Variants in PRKN observed in about 807,000 individuals in gnomAD.
The protein encoded by PRKN is parkin RBR E3 ubiquitin protein ligase.
PRKN carries 56 observed loss-of-function variants against 59.5 expected under a neutral mutation model. The observed-to-expected ratio is 0.94, with a 90% CI of 0.76 to 1.18. The LOEUF (loss-of-function observed/expected upper bound fraction) is 1.18. Among genes scored for constraint, PRKN ranks in the 50% most tolerant of loss-of-function variants. The pLI is 0.00. For synonymous variants in PRKN, 250 were observed against 222.1 expected, an observed-to-expected ratio of 1.13 and a Z score of -1.12; for missense variants, 657 against 596.4, an observed-to-expected ratio of 1.10 and a Z score of -1.06.
At position 162,551,417 on chromosome 6, in the gene PRKN, A is replaced by C. The variant is rs750013528; in HGVS notation, c.8-107944T>G. Among the ~76,000 whole-genome samples, 41 of 152,350 alleles carry C rather than the reference A, an allele frequency of 2.7e-4. 1 individual carries two copies. Among genetic ancestry groups the C allele is most frequent in the Non-Finnish European group, 5.4e-4 (37 of 68,026 alleles). On this transcript the variant is annotated intron_variant, in intron 1 of 11. Transcript: ENST00000366898. ...ATAATGAGAATAACTCCTTTTCTCT[A>C]AATATACAGTTATTCAGAGATTTCT...
At chr6:161,510,964 G>A (rs771452804) in intron 9 of PRKN, among the ~76,000 whole-genome samples, 71 of 152,148 alleles carry the variant, frequency 4.7e-4, no homozygotes, top group Non-Finnish European at 8.1e-4. Context: ...GTCCAGACAT[G>A]ATTTTCTTCT....
chr6:161,962,965 C>T (rs1048520319), intron 6 of PRKN, among the ~76,000 whole-genome samples: 9 of 151,994 alleles, frequency 5.9e-5, no homozygotes, highest in Non-Finnish European at 1.2e-4. Context: ...GCCAACATGG[C>T]GAAACCCCGT....
intron 1 of PRKN, among the ~76,000 whole-genome samples, chr6:162,627,727 T>C (rs906149703): frequency 2.6e-5 from 4 of 152,150 alleles, no homozygotes; most frequent in Admixed American, 6.5e-5. Flanking sequence ...GCAATAACTT[T>C]TAAGAATTTA....
intron 6 of PRKN, among the ~76,000 whole-genome samples, chr6:161,826,154 C>A (rs561607907): frequency 6.6e-6 from 1 of 152,116 alleles, no homozygotes; most frequent in Non-Finnish European, 1.5e-5. Context: ...ATTATCATTA[C>A]CACGAAGATT....
At chr6:162,461,532 AGAAAAAGAAAAG>A (rs1791176258) in intron 1 of PRKN, among the ~76,000 whole-genome samples, 1 of 145,406 alleles carries the variant, frequency 6.9e-6, no homozygotes, top group African/African-American at 2.5e-5. Flanking sequence ...AAAAAAAGAA[AGAAAAAGAAAAG>A]AAAAGAAAAC....
chr6:162,011,966 A>C (rs1379402066), intron 5 of PRKN, among the ~76,000 whole-genome samples: 3 of 152,112 alleles, frequency 2.0e-5, no homozygotes, highest in African/African-American at 7.2e-5. Context: ...ATAGCTAGCT[A>C]GCTAGAGGAT....
At chr6:162,075,779 G>A (rs113720437) in intron 4 of PRKN, among the ~76,000 whole-genome samples, 29 of 151,978 alleles carry the variant, frequency 1.9e-4, no homozygotes, top group African/African-American at 5.8e-4. Context: ...AGGCCCCCCA[G>A]TGAAACATTA....
At chr6:162,063,842 G>A (rs1778210374) in intron 4 of PRKN, among the ~76,000 whole-genome samples, 1 of 152,224 alleles carries the variant, frequency 6.6e-6, no homozygotes, top group South Asian at 2.1e-4. Context: ...GCAGCGCGCA[G>A]CCCTGGAATT....
At chr6:161,358,139 G>A (rs946683034) in intron 11 of PRKN, among the ~76,000 whole-genome samples, 1 of 152,202 alleles carries the variant, frequency 6.6e-6, no homozygotes, top group African/African-American at 2.4e-5. Flanking sequence ...GGGTGTGGGT[G>A]TGTTTGCCTA....
At chr6:162,556,822 C>G (rs1211527181) in intron 1 of PRKN, among the ~76,000 whole-genome samples, 1 of 151,026 alleles carries the variant, frequency 6.6e-6, no homozygotes, top group African/African-American at 2.4e-5. Flanking sequence ...TCAGGAATTG[C>G]ATCTGTGAGG....
chr6:162,553,725 C>T (rs1779424625), intron 1 of PRKN, among the ~76,000 whole-genome samples: 2 of 138,748 alleles, frequency 1.4e-5, no homozygotes. Flanking sequence ...ATCTCTTGAA[C>T]TTGGAGGCGG....
At chr6:161,435,940 C>G (rs12216070) in intron 9 of PRKN, among the ~76,000 whole-genome samples, 1 of 1,268 alleles carries the variant, frequency 7.9e-4, no homozygotes, top group Non-Finnish European at 1.7e-3. Context: ...AGACAGAGAG[C>G]AGGGGGGTGG....
chr6:162,379,149 A>G (rs1786285693), intron 2 of PRKN, among the ~76,000 whole-genome samples: 1 of 152,120 alleles, frequency 6.6e-6, no homozygotes, highest in African/African-American at 2.4e-5. Context: ...TCTCTAAACT[A>G]TATTTGGCCT....
intron 1 of PRKN, among the ~76,000 whole-genome samples, chr6:162,548,208 C>T (rs376625600): frequency 3.4e-4 from 52 of 152,084 alleles, no homozygotes; most frequent in Admixed American, 9.8e-4. Flanking sequence ...TACAGGTGCA[C>T]GCCACTACGC....
chr6:161,965,800 A>C (rs1225397985), intron 6 of PRKN, among the ~76,000 whole-genome samples: 1 of 152,092 alleles, frequency 6.6e-6, no homozygotes, highest in East Asian at 1.9e-4. Context: ...GTTTGTCTAA[A>C]GACCTGGGAG....
intron 2 of PRKN, chr6:162,266,324 G>GTGTA (rs1487463232): frequency 2.0e-5 from 3 of 152,482 alleles, no homozygotes; most frequent in Non-Finnish European, 4.4e-5. Flanking sequence ...GTGTGTGTGT[G>GTGTA]TGTGTGTGTG....
At chr6:162,197,699 A>C (rs1784550256) in intron 4 of PRKN, among the ~76,000 whole-genome samples, 1 of 152,166 alleles carries the variant, frequency 6.6e-6, no homozygotes, top group African/African-American at 2.4e-5. Flanking sequence ...TTGGAGAAAA[A>C]TAGAAATACA....
At chr6:162,375,483 A>T (rs1383896114) in intron 2 of PRKN, among the ~76,000 whole-genome samples, 1 of 151,618 alleles carries the variant, frequency 6.6e-6, no homozygotes, top group East Asian at 1.9e-4. Flanking sequence ...CATGTGTCAT[A>T]GACTGCATGG....
chr6:162,547,419 T>C (rs2128202251), intron 1 of PRKN, among the ~76,000 whole-genome samples: 1 of 152,292 alleles, frequency 6.6e-6, no homozygotes, highest in Non-Finnish European at 1.5e-5. Context: ...TATAGTTCTT[T>C]GTATTATTTA....
Sources: gnomAD v4.1 joint callset for allele counts (sites outside exome capture counted in the v4.1 genomes callset) on GRCh38, gnomAD v4.1.1 for gene constraint, MANE v1.5 for transcripts, NCBI Gene and HGNC (gene_info 2026-07-23, HGNC 2026-07-21) for gene names.